Variants in INTS9 observed in about 807,000 individuals in gnomAD.
INTS9 encodes protein related to CPSF subunits of 74 kDa.
In INTS9, 55 loss-of-function variants were observed where a neutral mutation model predicts 79.7. The observed-to-expected ratio is 0.69, with a 90% CI of 0.56 to 0.86. The LOEUF (loss-of-function observed/expected upper bound fraction) is 0.86, where lower values mean the gene tolerates loss of function less well. Ranked by LOEUF, INTS9 falls within the 40% of genes least tolerant of loss-of-function variation. The probability of loss-of-function intolerance (pLI) is 0.00; values close to 1 mark genes in which losing one functional copy is unlikely to be tolerated. For missense variants in INTS9, 721 were observed against 831.5 expected (o/e 0.87, Z 1.64); for synonymous variants, 319 against 325.2 (o/e 0.98, Z 0.20).
chr8:28,786,782 A>G (rs1412444529), intron 11 of INTS9, among the ~76,000 whole-genome samples: 2 of 152,082 alleles, frequency 1.3e-5, no homozygotes, highest in Non-Finnish European at 1.5e-5. Flanking sequence ...CAGTGGCGCG[A>G]TCTGGGCTCA....
intron 6 of INTS9, among the ~76,000 whole-genome samples, chr8:28,818,481 C>A (rs1180504864): frequency 2.0e-5 from 3 of 152,108 alleles, no homozygotes; most frequent in Non-Finnish European, 4.4e-5. Flanking sequence ...TTGAACCAGC[C>A]TTGCATCCCA....
intron 8 of INTS9, among the ~76,000 whole-genome samples, chr8:28,805,215 C>T (rs1238043933): frequency 3.9e-5 from 6 of 152,064 alleles, no homozygotes; most frequent in Non-Finnish European, 7.4e-5. Context: ...TATAATGGAA[C>T]GCAAATCTAA....
At chr8:28,855,740 C>T (rs1444632076) in intron 2 of INTS9, among the ~76,000 whole-genome samples, 1 of 152,120 alleles carries the variant, frequency 6.6e-6, no homozygotes, top group African/African-American at 2.4e-5. Context: ...GGTAAAAGTG[C>T]AGACATATGT....
chr8:28,782,352 T>C (rs627072), intron 11 of INTS9, among the ~76,000 whole-genome samples: 118,080 of 152,012 alleles, frequency 0.78, 46,024 homozygotes, highest in Non-Finnish European at 0.8. Context: ...GTAACCACAT[T>C]CGTCACACCA....
Position 28,806,255 on chromosome 8 carries a change from A to C in INTS9, c.744+6072T>G, listed in dbSNP as rs532571546. ...AAAAAAACAAAACAAAACAAAAAAA[A>C]CCAGGCACATATGAAATGGGAAAAA... On this transcript the variant is annotated intron_variant, in intron 8 of 16. Transcript: ENST00000521022. 3.3e-5 allele frequency among the ~76,000 whole-genome samples: 5 copies of C among 152,254 alleles called. No individual in the cohort carries two copies. The East Asian group carries it at 9.7e-4, about 29-fold the overall frequency.
chr8:28,856,160 C>T (rs1004012854), intron 2 of INTS9, among the ~76,000 whole-genome samples: 1 of 152,160 alleles, frequency 6.6e-6, no homozygotes, highest in Non-Finnish European at 1.5e-5. Flanking sequence ...AGAATGACTA[C>T]AGCAGCACTG....
intron 9 of INTS9, among the ~76,000 whole-genome samples, chr8:28,794,510 T>G (rs1350112647): frequency 2.6e-5 from 4 of 152,182 alleles, no homozygotes; most frequent in Middle Eastern, 3.2e-3. Flanking sequence ...GGACTTGCTA[T>G]TACTAGAGTA....
rs770286628 is a variant in INTS9 at position 28,796,611 on chromosome 8, C to T, written c.789G>A (p.Leu263=). 23 of 1,614,060 alleles carry T rather than the reference C, an allele frequency of 1.4e-5. No homozygotes were observed. Among genetic ancestry groups the T allele is most frequent in the Non-Finnish European group, 1.9e-5 (22 of 1,179,954 alleles). The change falls in exon 9 of 17, where the codon CTG becomes CTA. Residue 263 remains leucine (L), a synonymous_variant. Transcript: ENST00000521022. The part of the protein sequence containing the change: ...ASLKNSDVLV[L]TGLTQIPTAN... ...CAGTGGGGATCTGGGTAAGCCCTGT[C>T]AGAACAAGAACATCGCTGTTTTTGA...
intron 10 of INTS9, among the ~76,000 whole-genome samples, chr8:28,792,552 C>A (rs373187164): frequency 3.4e-5 from 5 of 149,194 alleles, no homozygotes; most frequent in Non-Finnish European, 4.5e-5. Flanking sequence ...CAAACAAAAA[C>A]AAAAAAAAAA....
At chr8:28,875,252 T>A (rs556303679) in intron 1 of INTS9, among the ~76,000 whole-genome samples, 21 of 152,248 alleles carry the variant, frequency 1.4e-4, no homozygotes, top group African/African-American at 5.1e-4. Context: ...GGGAAATGTA[T>A]CCATTTTTGT....
intron 15 of INTS9, 83 bp downstream of exon 15, chr8:28,770,899 C>T (rs1256485105): frequency 3.0e-5 from 28 of 929,976 alleles, no homozygotes; most frequent in Middle Eastern, 3.2e-4. Context: ...TCACATGAAG[C>T]GCTATTTCAA....
chr8:28,851,154 T>G (rs1807805419), intron 2 of INTS9, among the ~76,000 whole-genome samples: 1 of 150,898 alleles, frequency 6.6e-6, no homozygotes. Context: ...ACTACAAAAT[T>G]AACTTCTGTG....
At chr8:28,861,906 C>T (rs1051577183) in intron 1 of INTS9, 8 of 176,870 alleles carry the variant, frequency 4.5e-5, no homozygotes, top group East Asian at 1.9e-4. Flanking sequence ...CGAGCTCATT[C>T]GCCTTATTTG....
chr8:28,848,781 C>T (rs1379905511), intron 3 of INTS9, among the ~76,000 whole-genome samples: 1 of 152,172 alleles, frequency 6.6e-6, no homozygotes. Context: ...AGCATATTTG[C>T]CATTCCAAAC....
chr8:28,792,649 C>T (rs539414896), intron 10 of INTS9, among the ~76,000 whole-genome samples: 1 of 152,278 alleles, frequency 6.6e-6, no homozygotes, highest in Non-Finnish European at 1.5e-5. Flanking sequence ...CGCAGTGGCT[C>T]ATGCCTGTAA....
chr8:28,844,860 T>C (rs867638312), intron 4 of INTS9, among the ~76,000 whole-genome samples: 27 of 152,306 alleles, frequency 1.8e-4, no homozygotes, highest in South Asian at 2.1e-4. Context: ...GTATACTTTA[T>C]GGTGGTAAAT....
At chr8:28,799,900 C>T (rs903895968) in intron 8 of INTS9, among the ~76,000 whole-genome samples, 1 of 152,132 alleles carries the variant, frequency 6.6e-6, no homozygotes, top group Non-Finnish European at 1.5e-5. Flanking sequence ...ATGTTTTGCT[C>T]CAGTTTTCTT....
In INTS9 at chr8:28,773,985, A is replaced by G. The variant is rs566782224; in HGVS notation, c.1563+1774T>C. Among the ~76,000 whole-genome samples the G allele has an allele frequency of 4.6e-5, 7 of 151,828 alleles. No homozygotes were observed. In the East Asian group the frequency reaches 1.4e-3, roughly 29 times the overall value. ...CAGGTGCGTGACACCACGCCCAGCT[A>G]ATTTTTTTTAGTGGAGATGGGGTTT... On this transcript the variant is annotated intron_variant, in intron 14 of 16. Coordinates refer to ENST00000521022, the MANE Select transcript of INTS9 (RefSeq NM_018250.4).
At position 28,862,795 on chromosome 8, in the gene INTS9, T is replaced by C. The variant is rs149241894; in HGVS notation, c.10-3232A>G. Among the ~76,000 whole-genome samples, 1,397 of 152,334 alleles carry C rather than the reference T, an allele frequency of 9.2e-3. 5 individuals are homozygous for C. Among genetic ancestry groups the C allele is most frequent in the Non-Finnish European group, 0.014 (929 of 68,032 alleles). On this transcript the variant is annotated intron_variant, in intron 1 of 16. Transcript: ENST00000521022. Reference sequence around the variant, plus strand: ...CCATGTAGAGGTAATTAAATGACCCTAACCAAGGAAAGTTAACTATTTGAT... The same window carrying C: ...CCATGTAGAGGTAATTAAATGACCCCAACCAAGGAAAGTTAACTATTTGAT...
Sources: allele counts gnomAD v4.1 joint callset (sites outside exome capture counted in the v4.1 genomes callset), GRCh38; gene constraint gnomAD v4.1.1; transcripts MANE v1.5; gene names NCBI Gene and HGNC (gene_info 2026-07-23, HGNC 2026-07-21).